GPAT3: variants seen among roughly 807,000 people sequenced by gnomAD.
The protein encoded by GPAT3 is 1-AGP acyltransferase 9.
A neutral mutation model predicts 58.8 loss-of-function variants in GPAT3; 53 were observed. The ratio of observed to expected loss-of-function variants is 0.90; its 90% CI spans 0.72 to 1.13. The LOEUF is 1.13. Among genes scored for constraint, GPAT3 ranks in the 50% most tolerant of loss-of-function variants. The probability of loss-of-function intolerance (pLI) is 0.00; values close to 1 mark genes in which losing one functional copy is unlikely to be tolerated. For missense variants in GPAT3, 511 were observed against 527.6 expected (o/e 0.97, Z 0.31); for synonymous variants, 197 against 187.4 (o/e 1.05, Z -0.42).
At chr4:83,546,653 C>G (rs1294081466) in intron 2 of GPAT3, among the ~76,000 whole-genome samples, 6 of 152,026 alleles carry the variant, frequency 3.9e-5, no homozygotes, top group Non-Finnish European at 1.5e-5. Flanking sequence ...GAAATTGACT[C>G]TCACAGTTAT....
chr4:83,586,583 T>C (rs1726382964), intron 3 of GPAT3, among the ~76,000 whole-genome samples: 1 of 152,260 alleles, frequency 6.6e-6, no homozygotes, highest in South Asian at 2.1e-4. Context: ...TTGATTTTTC[T>C]TCTCTATTAA....
intron 2 of GPAT3, among the ~76,000 whole-genome samples, chr4:83,562,190 T>C (rs1247991891): frequency 1.1e-5 from 1 of 87,382 alleles, no homozygotes; most frequent in African/African-American, 8.3e-5. Flanking sequence ...TATATATATA[T>C]ATATATATAA....
chr4:83,582,263 A>G (rs1323151680), intron 3 of GPAT3, among the ~76,000 whole-genome samples: 2 of 152,216 alleles, frequency 1.3e-5, no homozygotes, highest in African/African-American at 4.8e-5. Context: ...TGCATAAGAG[A>G]GAAAAAATTC....
chr4:83,573,521 C>T (rs1172629940), intron 2 of GPAT3, among the ~76,000 whole-genome samples: 1 of 152,300 alleles, frequency 6.6e-6, no homozygotes, highest in Admixed American at 6.5e-5. Context: ...TATTTCTGTT[C>T]TTTAATCCCA....
At chr4:83,553,334 A>C (rs1578166773) in intron 2 of GPAT3, among the ~76,000 whole-genome samples, 1 of 152,326 alleles carries the variant, frequency 6.6e-6, no homozygotes, top group East Asian at 1.9e-4. Context: ...ACATTCATAA[A>C]ATGTCTTGAA....
At chr4:83,566,113 A>T (rs928704162) in intron 2 of GPAT3, among the ~76,000 whole-genome samples, 1 of 152,118 alleles carries the variant, frequency 6.6e-6, no homozygotes, top group African/African-American at 2.4e-5. Context: ...CAATAAGGAG[A>T]CTTTTCTCCT....
At chr4:83,589,817 C>T (rs1262709089) in intron 5 of GPAT3, among the ~76,000 whole-genome samples, 1 of 152,092 alleles carries the variant, frequency 6.6e-6, no homozygotes, top group African/African-American at 2.4e-5. Flanking sequence ...AAAGACCAGG[C>T]ACGGTGGCTT....
chr4:83,553,387 G>A (rs906197809), intron 2 of GPAT3, among the ~76,000 whole-genome samples: 1 of 152,148 alleles, frequency 6.6e-6, no homozygotes, highest in African/African-American at 2.4e-5. Flanking sequence ...TAGTAACAAC[G>A]TGGATAGTAT....
In GPAT3 at chr4:83,597,593, A is replaced by C; in HGVS notation, c.996+78A>C. ...GTAATTTTATTTTGGTAGCATTTCA[A>C]ACTTAAAATTTGCAAGAACGAGGAA... On this transcript the variant is annotated intron_variant, in intron 9 of 11. Coordinates refer to ENST00000264409, the MANE Select transcript of GPAT3 (RefSeq NM_032717.5). The C allele has an allele frequency of 2.6e-6, 3 of 1,139,284 alleles. No individual in the cohort carries two copies. In the South Asian group the frequency reaches 6.2e-5, roughly 23 times the overall value. The allele number at this position is 1,139,284 out of a possible 1,614,324, so 70.6% of individuals were successfully genotyped here. A position where few individuals can be genotyped will look rare whatever the true frequency, so the allele number is the denominator to read the frequency against.
rs750930647 is a variant in GPAT3 at position 83,598,742 on chromosome 4, G to A, written c.1205+19G>A. On this transcript the variant is annotated intron_variant, in intron 11 of 11. Transcript: ENST00000264409. Reference sequence around the variant, plus strand: ...TTCCCTGGTAAGAGAACTTTCAGAAGTACTATCACTTTTTTTTTTTTTTTT... The same window carrying A: ...TTCCCTGGTAAGAGAACTTTCAGAAATACTATCACTTTTTTTTTTTTTTTT... The A allele has an allele frequency of 1.5e-5, 5 of 341,284 alleles. No homozygotes were observed. The highest frequency in any genetic ancestry group is 2.3e-5 in the South Asian group (1 of 43,724). The allele number at this position is 341,284 out of a possible 1,614,324, so 21.1% of individuals were successfully genotyped here.
At chr4:83,580,957 G>C (rs1361023155) in intron 2 of GPAT3, among the ~76,000 whole-genome samples, 1 of 151,900 alleles carries the variant, frequency 6.6e-6, no homozygotes, top group Non-Finnish European at 1.5e-5. Flanking sequence ...TTAGCCGACT[G>C]TGGTGGCGGG....
intron 2 of GPAT3, among the ~76,000 whole-genome samples, chr4:83,566,787 GCTTTT>G (rs1725409179): frequency 1.4e-5 from 2 of 147,408 alleles, no homozygotes; most frequent in African/African-American, 4.9e-5. Context: ...CATTTGTTTA[GCTTTT>G]CTTTTTTTTT....
intron 2 of GPAT3, among the ~76,000 whole-genome samples, chr4:83,567,839 A>AT (rs1725461739): frequency 6.6e-6 from 1 of 151,716 alleles, no homozygotes; most frequent in Non-Finnish European, 1.5e-5. Context: ...ATATGTAGGT[A>AT]TTTTTTTGCT....
At chr4:83,537,960 C>T (rs560267492) in intron 1 of GPAT3, among the ~76,000 whole-genome samples, 84 of 152,206 alleles carry the variant, frequency 5.5e-4, no homozygotes, top group African/African-American at 1.9e-3. Flanking sequence ...TAGGGTTGTT[C>T]AAATGAGTTA....
chr4:83,536,093 C>A, upstream of GPAT3: 2 of 985,532 alleles, frequency 2.0e-6, no homozygotes, highest in Non-Finnish European at 2.4e-6. Context: ...GGGCGCTGGG[C>A]GCCCGAGCGC....
In GPAT3 at chr4:83,583,293, C is replaced by CAA. The variant is rs1004971683; in HGVS notation, c.479+1470_479+1471dup. ...TGGCAACAGAGCGAGACTGCGTATC[C>CAA]AAAAAAAAAAGAAAGAAAGAAAGAA... is the stretch of plus-strand genomic sequence containing the variant. On this transcript the variant is annotated intron_variant, in intron 3 of 11. Transcript: ENST00000264409. Among the ~76,000 whole-genome samples, 266 of 138,044 alleles carry CAA rather than the reference C, an allele frequency of 1.9e-3. 2 individuals are homozygous for CAA. The highest frequency in any genetic ancestry group is 6.5e-3 in the African/African-American group (243 of 37,498). 90.6% of individuals were successfully genotyped at this position (138,044 alleles called of 152,430 possible).
chr4:83,585,502 T>TG (rs1726344871), intron 3 of GPAT3, among the ~76,000 whole-genome samples: 1 of 152,112 alleles, frequency 6.6e-6, no homozygotes, highest in Non-Finnish European at 1.5e-5. Flanking sequence ...ATGTACATTA[T>TG]ATCAGTACAG....
At chr4:83,536,104 A>G (rs774855655), upstream of GPAT3, 298 of 985,448 alleles carry the variant, frequency 3.0e-4, no homozygotes, top group Non-Finnish European at 3.5e-4. Flanking sequence ...GCCCGAGCGC[A>G]GCCAGCTTCC....
At chr4:83,559,371 T>G (rs922376700) in intron 2 of GPAT3, among the ~76,000 whole-genome samples, 1 of 152,142 alleles carries the variant, frequency 6.6e-6, no homozygotes, top group African/African-American at 2.4e-5. Context: ...TCACCCAGGC[T>G]AGAGTGCAGT....
Sources: gnomAD v4.1 joint callset for allele counts (sites outside exome capture counted in the v4.1 genomes callset) on GRCh38, gnomAD v4.1.1 for gene constraint, MANE v1.5 for transcripts, NCBI Gene and HGNC (gene_info 2026-07-23, HGNC 2026-07-21) for gene names.